DIDO1: variants seen among roughly 807,000 people sequenced by gnomAD.
The protein encoded by DIDO1 is death inducer-obliterator 1.
DIDO1 carries 16 observed loss-of-function variants against 99.4 expected under a neutral mutation model. That is an observed-to-expected ratio of 0.16 (90% confidence interval 0.11 to 0.24). The LOEUF (loss-of-function observed/expected upper bound fraction) is 0.24. Ranked by LOEUF, DIDO1 falls within the 10% of genes least tolerant of loss-of-function variation. The pLI is 1.00. For synonymous variants in DIDO1, 1,366 were observed against 1,239.1 expected (o/e 1.10, Z -2.15); for missense variants, 2,996 against 3,014.0 (o/e 0.99, Z 0.14).
At chr20:62,905,442 A>C (rs773554974) in intron 6 of DIDO1, 6 of 1,515,968 alleles carry the variant, frequency 4.0e-6, no homozygotes, top group Non-Finnish European at 5.3e-6. Flanking sequence ...AAAAGAAGTG[A>C]TGCTTTCATG....
At chr20:62,917,911 G>C (rs1328358907) in intron 1 of DIDO1, among the ~76,000 whole-genome samples, 1 of 152,152 alleles carries the variant, frequency 6.6e-6, no homozygotes, top group Admixed American at 6.5e-5. Flanking sequence ...GCCCCAGAAA[G>C]GGCTTCAAGG....
intron 1 of DIDO1, among the ~76,000 whole-genome samples, chr20:62,932,003 G>A (rs1182970631): frequency 3.9e-5 from 6 of 152,136 alleles, no homozygotes; most frequent in Non-Finnish European, 7.4e-5. Context: ...AACAAAGACT[G>A]AGGTATTAGC....
At chr20:62,887,092 G>A (rs2064308596) in intron 15 of DIDO1, 2 of 983,720 alleles carry the variant, frequency 2.0e-6, no homozygotes, top group African/African-American at 1.7e-5. Flanking sequence ...AGCAGCTGCT[G>A]GGTGGGCTGC....
At chr20:62,886,463 T>C (rs1367268246) in intron 15 of DIDO1, among the ~76,000 whole-genome samples, 1 of 151,974 alleles carries the variant, frequency 6.6e-6, no homozygotes, top group Non-Finnish European at 1.5e-5. Flanking sequence ...AAACTGAAGA[T>C]AAAAGGGTGT....
At chr20:62,928,719 CACAA>C (rs1276144761), upstream of DIDO1, 2 of 152,208 alleles carry the variant, frequency 1.3e-5, no homozygotes, top group Admixed American at 1.3e-4. Flanking sequence ...ATCCCCAATT[CACAA>C]ACAAAACCCC....
chr20:62,935,329 CAAAT>C (rs1363496587), intron 1 of DIDO1, among the ~76,000 whole-genome samples: 3 of 151,880 alleles, frequency 2.0e-5, no homozygotes, highest in South Asian at 4.1e-4. Flanking sequence ...CGTCACTCAA[CAAAT>C]AAATATTTAT....
intron 6 of DIDO1, chr20:62,905,147 A>G: frequency 9.7e-7 from 1 of 1,028,360 alleles, no homozygotes; most frequent in Non-Finnish European, 1.2e-6. Flanking sequence ...TGATCTTAAG[A>G]GTCTAAACAT....
chr20:62,891,851 C>T, intron 14 of DIDO1, 136 bp downstream of exon 14: 1 of 710,476 alleles, frequency 1.4e-6, no homozygotes, highest in Non-Finnish European at 2.3e-6. Flanking sequence ...TAATTTTTAA[C>T]ATTCACCTGG....
At position 62,894,843 on chromosome 20, in the gene DIDO1, A is replaced by G; in HGVS notation, c.2403T>C (p.Asp801=). The change falls in exon 10 of 16, where the codon GAT becomes GAC. Residue 801 remains aspartate (D), a synonymous_variant. Transcript: ENST00000395343. The surrounding 1 kb of genome is among the most constrained non-coding windows in gnomAD (Gnocchi z 4.4). ...KTAPRQEAIP[D]LEDSPPVSDS... ...CCGACACTGGCGGAGAGTCCTCCAG[A>G]TCGGGGATGGCCTCCTGCCTGGGGG... 1 of 1,614,112 alleles carries G rather than the reference A, an allele frequency of 6.2e-7. No individual in the cohort carries two copies. Among genetic ancestry groups the G allele is most frequent in the Non-Finnish European group, 8.5e-7 (1 of 1,180,014 alleles).
At chr20:62,898,580 A>G (rs1380904183) in intron 6 of DIDO1, among the ~76,000 whole-genome samples, 1 of 152,104 alleles carries the variant, frequency 6.6e-6, no homozygotes, top group Non-Finnish European at 1.5e-5. Context: ...CAAATCCTGT[A>G]TTTTCATCTT....
At position 62,879,632 on chromosome 20, in the gene DIDO1, C is replaced by T; in HGVS notation, c.6324G>A (p.Arg2108=). The part of the protein sequence containing the change: ...KPLEEPDAQG[R]ASEDRRRERE... Reference sequence around the variant, plus strand: ...GCTCTCTCCTCCTGTCCTCGGACGCCCGGCCCTGGGCGTCGGGCTCCTCCA... The same window carrying T: ...GCTCTCTCCTCCTGTCCTCGGACGCTCGGCCCTGGGCGTCGGGCTCCTCCA... Residue 2108 remains arginine, a synonymous_variant, in exon 16 of 16, where the codon CGG becomes CGA. Transcript: ENST00000395343. The surrounding 1 kb of genome is among the most constrained non-coding windows in gnomAD (Gnocchi z 6.3). 1 of 1,606,262 alleles carries T rather than the reference C, an allele frequency of 6.2e-7. No individual in the cohort carries two copies. Among genetic ancestry groups the T allele is most frequent in the Non-Finnish European group, 8.5e-7 (1 of 1,179,776 alleles).
chr20:62,904,886 C>G, intron 6 of DIDO1: 3 of 738,124 alleles, frequency 4.1e-6, no homozygotes, highest in Non-Finnish European at 5.0e-6. Flanking sequence ...GGAATCTGCT[C>G]AAAGTCTGAC....
rs542988039 is a variant in DIDO1 at position 62,923,706 on chromosome 20, T to C, written c.-200+2733A>G. Among the ~76,000 whole-genome samples, 133 of 152,380 alleles carry C rather than the reference T, an allele frequency of 8.7e-4. 1 individual carries two copies. Among genetic ancestry groups the C allele is most frequent in the African/African-American group, 3.0e-3 (124 of 41,580 alleles). ...TAAGTTTCCTGTATGTGTATTACTT[T>C]TGTAATCAAACACATTAAGGTATCT... On this transcript the variant is annotated intron_variant, in intron 1 of 15. Transcript: ENST00000395343.
Position 62,881,383 on chromosome 20 carries a change from G to T in DIDO1, c.4573C>A (p.Pro1525Thr). Residue 1525 changes from proline to threonine, a missense_variant, in exon 16 of 16, where the codon CCA becomes ACA. By Grantham distance (38) the Pro-to-Thr change is conservative. Transcript: ENST00000395343. This position sits in a 1 kb window ranked among gnomAD's most constrained non-coding sequence, Gnocchi z 8.3. ...SVSDALMSPP[P>T]KSSLPKAELF... The stretch of plus-strand genomic sequence containing the variant: ...TCTGCCTTGGGCAAGGACGACTTTG[G>T]TGGTGGAGACATCAAGGCGTCCGAC... 1.2e-6 allele frequency: 2 copies of T among 1,607,102 alleles called. No individual in the cohort carries two copies. Among genetic ancestry groups the T allele is most frequent in the Non-Finnish European group, 1.7e-6 (2 of 1,179,910 alleles).
Position 62,908,674 on chromosome 20 carries a change from G to C in DIDO1, c.1161+1025C>G, listed in dbSNP as rs139429610. On this transcript the variant is annotated intron_variant, in intron 4 of 15. Transcript: ENST00000395343. ...TATTGAGAATACAATTTAGGTTTGT[G>C]CAGGGTATTGTCAAGCACAATGACA... Among the ~76,000 whole-genome samples the C allele has an allele frequency of 1.4e-4, 22 of 152,248 alleles. No individual in the cohort carries two copies. In the East Asian group the frequency reaches 4.2e-3, roughly 29 times the overall value.
At chr20:62,933,893 T>C (rs2065354951) in intron 1 of DIDO1, among the ~76,000 whole-genome samples, 1 of 152,210 alleles carries the variant, frequency 6.6e-6, no homozygotes, top group South Asian at 2.1e-4. Flanking sequence ...TTAAGATTAA[T>C]ATACCTTTAG....
chr20:62,937,427 G>A (rs1348514371), intron 1 of DIDO1, among the ~76,000 whole-genome samples: 2 of 152,250 alleles, frequency 1.3e-5, no homozygotes, highest in East Asian at 1.9e-4. Context: ...CCGGGACTCC[G>A]CCCCGCAAGC....
At chr20:62,903,556 T>C (rs2064732016) in intron 6 of DIDO1, among the ~76,000 whole-genome samples, 1 of 152,182 alleles carries the variant, frequency 6.6e-6, no homozygotes, top group Non-Finnish European at 1.5e-5. Context: ...CCAGTACTTG[T>C]TGAGCCTACA....
At chr20:62,890,379 T>C in intron 15 of DIDO1, 2 of 987,110 alleles carry the variant, frequency 2.0e-6, no homozygotes, top group Middle Eastern at 5.2e-4. Flanking sequence ...TTTTAGGCTA[T>C]TTGTAAATAA....
Sources: allele counts gnomAD v4.1 joint callset (sites outside exome capture counted in the v4.1 genomes callset), GRCh38; gene constraint gnomAD v4.1.1; non-coding constraint Gnocchi (gnomAD v3.1); transcripts MANE v1.5; gene names NCBI Gene and HGNC (gene_info 2026-07-23, HGNC 2026-07-21).